The following TTLL5 variants were observed in gnomAD, a reference collection of about 807,000 sequenced individuals.
TTLL5 encodes the protein tubulin polyglutamylase TTLL5.
In TTLL5, 132 loss-of-function variants were observed where a neutral mutation model predicts 168.4. The ratio of observed to expected loss-of-function variants is 0.78; its 90% CI spans 0.68 to 0.91. TTLL5 has a LOEUF of 0.91. Among genes scored for constraint, TTLL5 ranks in the 40% least tolerant of loss-of-function variants. The pLI is 0.00. For missense variants in TTLL5, 1,545 were observed against 1,581.5 expected (o/e 0.98, Z 0.39); for synonymous variants, 546 against 558.6 (o/e 0.98, Z 0.32).
At chr14:75,721,918 A>T (rs903675670) in intron 12 of TTLL5, among the ~76,000 whole-genome samples, 1 of 152,192 alleles carries the variant, frequency 6.6e-6, no homozygotes, top group Admixed American at 6.5e-5. Context: ...ATTATATGGG[A>T]AAAGAAGAGG....
intron 27 of TTLL5, among the ~76,000 whole-genome samples, chr14:75,802,843 C>G (rs1412132967): frequency 6.6e-6 from 1 of 152,194 alleles, no homozygotes; most frequent in Non-Finnish European, 1.5e-5. Context: ...GGGGAAAAAG[C>G]TGAACTAGCC....
chr14:75,801,350 A>G (rs1321732841), intron 27 of TTLL5, among the ~76,000 whole-genome samples: 1 of 152,204 alleles, frequency 6.6e-6, no homozygotes, highest in Non-Finnish European at 1.5e-5. Flanking sequence ...CCACGCAGCC[A>G]ACAAGGCCAA....
chr14:75,754,636 A>G (rs1890137418), intron 18 of TTLL5, among the ~76,000 whole-genome samples: 1 of 152,192 alleles, frequency 6.6e-6, no homozygotes, highest in African/African-American at 2.4e-5. Context: ...GTATAATAAT[A>G]TGTGTGCCTC....
intron 30 of TTLL5, among the ~76,000 whole-genome samples, chr14:75,893,383 C>G (rs2032497233): frequency 6.6e-6 from 1 of 152,202 alleles, no homozygotes; most frequent in Admixed American, 6.5e-5. Context: ...GGGAGAAAAT[C>G]TGCGTAAATG....
intron 15 of TTLL5, among the ~76,000 whole-genome samples, chr14:75,735,898 C>T (rs958711322): frequency 5.3e-5 from 8 of 152,146 alleles, no homozygotes; most frequent in Admixed American, 3.3e-4. Context: ...CTTGTCAGTC[C>T]CTGTCTGTTT....
intron 17 of TTLL5, among the ~76,000 whole-genome samples, chr14:75,746,685 G>T (rs1013307942): frequency 6.6e-6 from 1 of 151,290 alleles, no homozygotes; most frequent in Non-Finnish European, 1.5e-5. Flanking sequence ...ACCTCAGCCT[G>T]CCAGGTAGCT....
At chr14:75,706,968 T>C in intron 7 of TTLL5, 50 bp from the exon 8 acceptor site, 1 of 1,457,214 alleles carries the variant, frequency 6.9e-7, no homozygotes, top group Non-Finnish European at 9.6e-7. Context: ...TATTGTAAAT[T>C]AGGATTCCTG....
intron 31 of TTLL5, among the ~76,000 whole-genome samples, chr14:75,924,038 C>A (rs902127589): frequency 7.0e-5 from 7 of 99,734 alleles, no homozygotes; most frequent in African/African-American, 3.0e-4. Context: ...AGGATTGCAA[C>A]CCCAGCTTTT....
chr14:75,789,072 C>T (rs915896044), intron 26 of TTLL5, among the ~76,000 whole-genome samples: 44 of 152,110 alleles, frequency 2.9e-4, no homozygotes, highest in African/African-American at 1.0e-3. Flanking sequence ...ACTCTCAGCT[C>T]ATTAGGAAGA....
chr14:75,857,310 C>T (rs921231597), intron 28 of TTLL5, among the ~76,000 whole-genome samples: 1 of 151,838 alleles, frequency 6.6e-6, no homozygotes, highest in African/African-American at 2.4e-5. Flanking sequence ...TCTAATGTTA[C>T]CCTTGCATTC....
intron 31 of TTLL5, among the ~76,000 whole-genome samples, chr14:75,919,211 AAAAAAAAAAAG>A (rs2033733813): frequency 6.7e-6 from 1 of 150,306 alleles, no homozygotes. Flanking sequence ...AAAAAAAAAA[AAAAAAAAAAAG>A]GAAAAAGAAA....
intron 27 of TTLL5, among the ~76,000 whole-genome samples, chr14:75,814,981 A>G (rs1354812468): frequency 6.6e-6 from 1 of 152,256 alleles, no homozygotes; most frequent in Non-Finnish European, 1.5e-5. Context: ...TCTAGAAGAT[A>G]GAAAATGATT....
intron 17 of TTLL5, among the ~76,000 whole-genome samples, chr14:75,751,380 T>G (rs1465998417): frequency 6.6e-6 from 1 of 152,178 alleles, no homozygotes; most frequent in Non-Finnish European, 1.5e-5. Context: ...ATATGCAGAT[T>G]GCCAGCCTCA....
At chr14:75,930,661 G>T (rs1434003372) in intron 31 of TTLL5, 3 of 985,058 alleles carry the variant, frequency 3.0e-6, no homozygotes, top group Non-Finnish European at 3.6e-6. Context: ...GTGACGGGGG[G>T]AAATGCAAAA....
At chr14:75,734,665 G>A (rs1249169121) in intron 14 of TTLL5, among the ~76,000 whole-genome samples, 3 of 152,128 alleles carry the variant, frequency 2.0e-5, no homozygotes, top group African/African-American at 7.2e-5. Flanking sequence ...CTTCTTTTTA[G>A]GAAGTAAGTG....
intron 31 of TTLL5, among the ~76,000 whole-genome samples, chr14:75,905,094 C>T (rs2033090967): frequency 6.6e-6 from 1 of 152,182 alleles, no homozygotes. Context: ...CTAGTAGCAA[C>T]ATTTTTCTGT....
chr14:75,798,128 T>C (rs1303644815), intron 27 of TTLL5, among the ~76,000 whole-genome samples: 1 of 152,054 alleles, frequency 6.6e-6, no homozygotes, highest in Non-Finnish European at 1.5e-5. Flanking sequence ...TGCTGCTTGC[T>C]GTTATCTGTT....
rs1236910156 is a variant in TTLL5 at position 75,925,813 on chromosome 14, C to T, written c.3823+23589C>T. On this transcript the variant is annotated intron_variant, in intron 31 of 31. Coordinates refer to ENST00000298832, the MANE Select transcript of TTLL5 (RefSeq NM_015072.5). ...TCTGCAATCCCGGCACCTCGGGAGG[C>T]CGAGGCTGGCGGATCACTCGCGGTT... Among the ~76,000 whole-genome samples the T allele has an allele frequency of 4.6e-5, 7 of 152,142 alleles. No homozygotes were observed. The East Asian group carries it at 1.2e-3, about 25-fold the overall frequency.
chr14:75,915,409 C>T (rs907864900), intron 31 of TTLL5, among the ~76,000 whole-genome samples: 3 of 152,166 alleles, frequency 2.0e-5, no homozygotes, highest in Non-Finnish European at 4.4e-5. Context: ...CTTTTTGCTT[C>T]ACAGGGCCAT....
Sources: gnomAD v4.1 joint callset for allele counts (sites outside exome capture counted in the v4.1 genomes callset) on GRCh38, gnomAD v4.1.1 for gene constraint, MANE v1.5 for transcripts, NCBI Gene and HGNC (gene_info 2026-07-23, HGNC 2026-07-21) for gene names.